The following SLC35F1 variants were observed in gnomAD, a reference collection of about 807,000 sequenced individuals.
The protein encoded by SLC35F1 is solute carrier family 35 member F1.
SLC35F1 carries 14 observed loss-of-function variants against 48.7 expected under a neutral mutation model. The ratio of observed to expected loss-of-function variants is 0.29; its 90% CI spans 0.19 to 0.45. The LOEUF (loss-of-function observed/expected upper bound fraction) is 0.45. Among genes scored for constraint, SLC35F1 ranks in the 20% least tolerant of loss-of-function variants. SLC35F1 has a pLI of 1.00. For missense variants in SLC35F1, 404 were observed against 500.0 expected (o/e 0.81, Z 1.83); for synonymous variants, 190 against 202.2 (o/e 0.94, Z 0.51).
chr6:118,029,112 A>G (rs1772002348), intron 1 of SLC35F1, among the ~76,000 whole-genome samples: 1 of 127,984 alleles, frequency 7.8e-6, no homozygotes, highest in Non-Finnish European at 1.7e-5. Flanking sequence ...AAGAGGTAGC[A>G]TGTAAACAGA....
intron 1 of SLC35F1, among the ~76,000 whole-genome samples, chr6:117,963,416 A>G (rs1251255309): frequency 1.3e-5 from 2 of 151,782 alleles, no homozygotes; most frequent in Non-Finnish European, 2.9e-5. Context: ...CTGGCTTCAG[A>G]GTATCACACA....
chr6:117,907,771 G>A lies in SLC35F1; in HGVS notation c.45G>A (p.Ser15=). The change falls in exon 1 of 8, where the codon TCG becomes TCA. Residue 15 remains serine (S), a synonymous_variant. Transcript: ENST00000360388. ...CGCAGCAGCAGCTGCAGCCGCCGTC[G>A]CCAGCCCCGCCGAACCATGTGGTGA... The part of the protein sequence containing the change: ...EQPQQQLQPP[S]PAPPNHVVTT... The A allele has an allele frequency of 1.9e-6, 3 of 1,558,608 alleles. No individual in the cohort carries two copies. The highest frequency in any genetic ancestry group is 1.4e-5 in the African/African-American group (1 of 70,910).
intron 1 of SLC35F1, among the ~76,000 whole-genome samples, chr6:118,001,299 A>G (rs1777090394): frequency 6.6e-6 from 1 of 152,160 alleles, no homozygotes; most frequent in African/African-American, 2.4e-5. Flanking sequence ...AACGCCACAT[A>G]TCTACAACTA....
chr6:118,275,601 C>A lies in SLC35F1; in HGVS notation c.780C>A (p.Phe260Leu). ...TGATTGGTCTCTTTGGAGCATTTTT[C>A]AGTGGAATTCAATTGTGAGTAAAAA... ...LGMIGLFGAF[F>L]SGIQLAIMEH... Residue 260 changes from phenylalanine (F) to leucine (L), a missense_variant, in exon 5 of 8, where the codon TTC (phenylalanine) becomes TTA (leucine). Around this residue, in one of 2 missense-constraint regions of SLC35F1, gnomAD observed 306 missense variants for 419.1 expected, o/e 0.73. Transcript: ENST00000360388. The A allele has an allele frequency of 6.2e-7, 1 of 1,613,670 alleles. No homozygotes were observed. Among genetic ancestry groups the A allele is most frequent in the South Asian group, 1.1e-5 (1 of 91,054 alleles).
intron 2 of SLC35F1, among the ~76,000 whole-genome samples, chr6:118,182,484 C>A (rs536309613): frequency 8.3e-6 from 1 of 120,192 alleles, no homozygotes; most frequent in African/African-American, 2.9e-5. Flanking sequence ...AGAGTGAGAC[C>A]CTGTCAAAAA....
At position 118,015,180 on chromosome 6, in the gene SLC35F1, T is replaced by C. The variant is rs1428985799; in HGVS notation, c.173+107281T>C. 4.6e-5 allele frequency among the ~76,000 whole-genome samples: 7 copies of C among 152,310 alleles called. No individual in the cohort carries two copies. In the East Asian group the frequency reaches 1.2e-3, roughly 25 times the overall value. On this transcript the variant is annotated intron_variant, in intron 1 of 7. Transcript: ENST00000360388. ...CAGCCATGTGGAACTGTGAGTTCAT[T>C]AAACCTCTTTTTCCTTATAAATTAC...
At chr6:117,963,838 GGATAC>G (rs1357155839) in intron 1 of SLC35F1, among the ~76,000 whole-genome samples, 7 of 151,804 alleles carry the variant, frequency 4.6e-5, no homozygotes, top group African/African-American at 1.2e-4. Context: ...ACATGTGCAG[GGATAC>G]ATGTGCAGGA....
In SLC35F1 at chr6:118,297,662, A is replaced by ATATTAATATAT. The variant is rs1450965614; in HGVS notation, c.1002+12324_1002+12325insTATTAATATAT. Among the ~76,000 whole-genome samples the ATATTAATATAT allele has an allele frequency of 1.4e-3, 192 of 139,682 alleles. 1 individual carries two copies. Among genetic ancestry groups the ATATTAATATAT allele is most frequent in the African/African-American group, 4.9e-3 (176 of 36,286 alleles). 91.6% of individuals were successfully genotyped at this position (139,682 alleles called of 152,430 possible). A position where few individuals can be genotyped will look rare whatever the true frequency, so the allele number is the denominator to read the frequency against. ...TAAAAAATATATATATAATATATAT[A>ATATTAATATAT]ATATTATATAAGTTCTGAGAAATAT... On this transcript the variant is annotated intron_variant, in intron 7 of 7. Coordinates refer to ENST00000360388, the MANE Select transcript of SLC35F1 (RefSeq NM_001029858.4).
In SLC35F1 at chr6:118,134,088, C is replaced by A. The variant is rs764218971; in HGVS notation, c.174-20357C>A. ...ACAACTCAGTTTTGAAAGTTTGAAT[C>A]CTTATGAAATCTGAAGTTAATAAAG... is the stretch of plus-strand genomic sequence containing the variant. On this transcript the variant is annotated intron_variant, in intron 1 of 7. Coordinates refer to ENST00000360388, the MANE Select transcript of SLC35F1 (RefSeq NM_001029858.4). Among the ~76,000 whole-genome samples, 7 of 152,178 alleles carry A rather than the reference C, an allele frequency of 4.6e-5. 1 individual carries two copies. The South Asian group carries it at 6.2e-4, about 14-fold the overall frequency.
At chr6:118,100,891 A>G (rs1025378413) in intron 1 of SLC35F1, among the ~76,000 whole-genome samples, 3 of 152,190 alleles carry the variant, frequency 2.0e-5, no homozygotes, top group Admixed American at 2.0e-4. Flanking sequence ...CCTCATTAGC[A>G]TAAATTATTA....
intron 1 of SLC35F1, among the ~76,000 whole-genome samples, chr6:118,143,297 T>G (rs1773919314): frequency 6.6e-6 from 1 of 152,160 alleles, no homozygotes; most frequent in African/African-American, 2.4e-5. Flanking sequence ...AATGCAAAGC[T>G]AAAAGCATTG....
intron 2 of SLC35F1, among the ~76,000 whole-genome samples, chr6:118,225,100 C>A (rs1021836993): frequency 1.3e-5 from 2 of 152,068 alleles, no homozygotes; most frequent in Non-Finnish European, 2.9e-5. Flanking sequence ...ACAGTATCAC[C>A]CAAAGCAAAT....
At chr6:117,927,545 C>A (rs1012016305) in intron 1 of SLC35F1, among the ~76,000 whole-genome samples, 5 of 152,120 alleles carry the variant, frequency 3.3e-5, no homozygotes, top group African/African-American at 1.2e-4. Context: ...ATGCTGGGAG[C>A]AGGGGCTTCA....
At chr6:118,274,987 C>T (rs1036182161) in intron 4 of SLC35F1, among the ~76,000 whole-genome samples, 7 of 152,074 alleles carry the variant, frequency 4.6e-5, no homozygotes, top group African/African-American at 1.7e-4. Context: ...GTCCTGAAAC[C>T]AATATAACTT....
chr6:118,015,610 A>G (rs1285302572), intron 1 of SLC35F1, among the ~76,000 whole-genome samples: 2 of 151,840 alleles, frequency 1.3e-5, no homozygotes, highest in African/African-American at 4.8e-5. Context: ...CCTGCAAAAG[A>G]CATGATGTCT....
chr6:118,307,272 AAAG>A (rs1288408124), intron 7 of SLC35F1, among the ~76,000 whole-genome samples: 1 of 152,152 alleles, frequency 6.6e-6, no homozygotes, highest in South Asian at 2.1e-4. Context: ...CAAATTGGAG[AAAG>A]AAGGAGAGGC....
At chr6:118,259,442 T>C (rs1775685603) in intron 3 of SLC35F1, among the ~76,000 whole-genome samples, 1 of 151,962 alleles carries the variant, frequency 6.6e-6, no homozygotes, top group South Asian at 2.1e-4. Context: ...AGTGTGTTGT[T>C]TGAAGCATCA....
chr6:118,272,737 G>GTGTGTGTGTA (rs201515909), intron 4 of SLC35F1, among the ~76,000 whole-genome samples: 1 of 120,250 alleles, frequency 8.3e-6, no homozygotes, highest in African/African-American at 3.2e-5. Flanking sequence ...ATATGTGTGT[G>GTGTGTGTGTA]TATATATATA....
chr6:117,908,120 C>CGAGGCGGGAGTTCGGGGA (rs1475979780), intron 1 of SLC35F1, among the ~76,000 whole-genome samples: 1 of 152,220 alleles, frequency 6.6e-6, no homozygotes, highest in Non-Finnish European at 1.5e-5. Context: ...GCAGCTGGTC[C>CGAGGCGGGAGTTCGGGGA]GAGGCGGGAG....
Sources: gnomAD v4.1 joint callset for allele counts (sites outside exome capture counted in the v4.1 genomes callset) on GRCh38, gnomAD v4.1.1 for gene constraint, gnomAD v4.1.1 regional missense constraint, MANE v1.5 for transcripts, NCBI Gene and HGNC (gene_info 2026-07-23, HGNC 2026-07-21) for gene names.